EPB41L4A: variants seen among roughly 807,000 people sequenced by gnomAD.
EPB41L4A encodes the protein band 4.1-like protein 4A.
EPB41L4A carries 100 observed loss-of-function variants against 108.6 expected under a neutral mutation model. The ratio of observed to expected loss-of-function variants is 0.92; its 90% CI spans 0.78 to 1.09. The LOEUF (loss-of-function observed/expected upper bound fraction) is 1.09. EPB41L4A is among the 50% of genes least tolerant of loss of function. The pLI, the probability that EPB41L4A is intolerant of heterozygous loss-of-function variation, is 0.00. For missense variants in EPB41L4A, 1,030 were observed against 842.7 expected (o/e 1.22, Z -2.75); for synonymous variants, 319 against 289.0 (o/e 1.10, Z -1.05).
At chr5:112,173,983 C>A (rs1580366776) in intron 18 of EPB41L4A, among the ~76,000 whole-genome samples, 1 of 152,148 alleles carries the variant, frequency 6.6e-6, no homozygotes. Flanking sequence ...ATCAGACCTT[C>A]TAGCCATTAA....
intron 1 of EPB41L4A, among the ~76,000 whole-genome samples, chr5:112,357,518 G>A (rs1345469325): frequency 1.3e-5 from 2 of 152,196 alleles, no homozygotes; most frequent in Admixed American, 6.5e-5. Flanking sequence ...CCAGGTGCCT[G>A]GAAAGGAAAC....
intron 3 of EPB41L4A, 152 bp downstream of exon 3, chr5:112,280,120 G>A: frequency 1.5e-6 from 1 of 687,732 alleles, no homozygotes; most frequent in Non-Finnish European, 2.6e-6. Flanking sequence ...GCCTAGCAAT[G>A]CACACAATAC....
intron 1 of EPB41L4A, among the ~76,000 whole-genome samples, chr5:112,401,645 A>G (rs1761755955): frequency 6.6e-6 from 1 of 152,212 alleles, no homozygotes; most frequent in African/African-American, 2.4e-5. Flanking sequence ...AAGTAATTGT[A>G]TCTTTATTGA....
chr5:112,314,535 A>AAAAG (rs1755293102), intron 1 of EPB41L4A, among the ~76,000 whole-genome samples: 2 of 128,688 alleles, frequency 1.6e-5, no homozygotes, highest in South Asian at 2.3e-4. Context: ...AAAAAAAAAA[A>AAAAG]AAAGAAAAGA....
Position 112,169,032 on chromosome 5 carries a change from A to G in EPB41L4A, c.1813T>C (p.Cys605Arg). ...RSYRQYRRSQ[C>R]SDGERSVLSE... is the part of the protein sequence containing the mutation. Reference sequence around the variant, plus strand: ...AGAACTGATCGCTCCCCATCTGAACACTGGGACCTGCGATACTGGCGGTAA... The same window carrying G: ...AGAACTGATCGCTCCCCATCTGAACGCTGGGACCTGCGATACTGGCGGTAA... Residue 605 changes from cysteine to arginine, a missense_variant, in exon 21 of 23, where the codon TGT (cysteine) becomes CGT (arginine). Transcript: ENST00000261486. The G allele has an allele frequency of 6.2e-7, 1 of 1,614,076 alleles. No homozygotes were observed. Among genetic ancestry groups the G allele is most frequent in the Non-Finnish European group, 8.5e-7 (1 of 1,179,940 alleles).
At chr5:112,300,983 A>G (rs1369672981) in intron 2 of EPB41L4A, among the ~76,000 whole-genome samples, 1 of 151,746 alleles carries the variant, frequency 6.6e-6, no homozygotes, top group Non-Finnish European at 1.5e-5. Context: ...TGTGTCCTTT[A>G]TTTTCTGAAG....
chr5:112,215,500 C>T (rs966028567), intron 12 of EPB41L4A, among the ~76,000 whole-genome samples: 6 of 152,118 alleles, frequency 3.9e-5, no homozygotes, highest in African/African-American at 7.2e-5. Flanking sequence ...CGGTGGCTCA[C>T]GCCTGTAATC....
chr5:112,366,837 T>C (rs1160051092), intron 1 of EPB41L4A, among the ~76,000 whole-genome samples: 4 of 152,206 alleles, frequency 2.6e-5, no homozygotes, highest in Admixed American at 2.6e-4. Context: ...TATATTTGTG[T>C]GTCTTATCCT....
chr5:112,242,724 T>C (rs1476182344), intron 9 of EPB41L4A, among the ~76,000 whole-genome samples: 2 of 152,228 alleles, frequency 1.3e-5, no homozygotes, highest in African/African-American at 2.4e-5. Context: ...TTCTTAATAC[T>C]TGAAAGTTGA....
At chr5:112,417,992 G>C (rs1288669641) in intron 1 of EPB41L4A, among the ~76,000 whole-genome samples, 1 of 152,178 alleles carries the variant, frequency 6.6e-6, no homozygotes, top group Non-Finnish European at 1.5e-5. Flanking sequence ...GACTAAGAGA[G>C]GATACTTGGC....
At chr5:112,304,432 G>A (rs1754562671) in intron 2 of EPB41L4A, among the ~76,000 whole-genome samples, 1 of 152,190 alleles carries the variant, frequency 6.6e-6, no homozygotes, top group Non-Finnish European at 1.5e-5. Flanking sequence ...TCTGGATCAA[G>A]AACGAACCTG....
Position 112,333,325 on chromosome 5 carries a change from C to T in EPB41L4A, c.100-25835G>A, listed in dbSNP as rs115352988. Among the ~76,000 whole-genome samples the T allele has an allele frequency of 4.8e-3, 727 of 152,086 alleles. 4 individuals carry two copies. Among genetic ancestry groups the T allele is most frequent in the Middle Eastern group, 0.014 (4 of 294 alleles). ...ATGTCAAAAAGGGGGGAAGGGAAAACGGCAGGAATGTGCATGTCAACTGCA... is the reference window on the plus strand; with the variant it reads ...ATGTCAAAAAGGGGGGAAGGGAAAATGGCAGGAATGTGCATGTCAACTGCA... On this transcript the variant is annotated intron_variant, in intron 1 of 22. Transcript: ENST00000261486.
intron 12 of EPB41L4A, among the ~76,000 whole-genome samples, chr5:112,213,939 A>T (rs550613317): frequency 2.0e-5 from 3 of 152,256 alleles, no homozygotes; most frequent in Non-Finnish European, 4.4e-5. Context: ...ACCACTGTCC[A>T]AATTAGTAAG....
intron 13 of EPB41L4A, chr5:112,145,747 A>C (rs887187449): frequency 6.6e-5 from 21 of 318,632 alleles, no homozygotes; most frequent in Non-Finnish European, 1.2e-4. Flanking sequence ...ACGTGCATAC[A>C]ACATCCTCAA....
intron 1 of EPB41L4A, among the ~76,000 whole-genome samples, chr5:112,381,936 T>C (rs1760201820): frequency 6.6e-6 from 1 of 152,218 alleles, no homozygotes; most frequent in Non-Finnish European, 1.5e-5. Context: ...GACAAATATC[T>C]ACTGCAGCCA....
intron 1 of EPB41L4A, among the ~76,000 whole-genome samples, chr5:112,324,462 G>C (rs13184663): frequency 0.53 from 80,606 of 151,828 alleles, 23,212 homozygotes; most frequent in Middle Eastern, 0.68. Flanking sequence ...AATACAAATG[G>C]TGCCTGTAAT....
At chr5:112,231,234 T>C (rs1748896247) in intron 12 of EPB41L4A, among the ~76,000 whole-genome samples, 1 of 152,214 alleles carries the variant, frequency 6.6e-6, no homozygotes, top group Non-Finnish European at 1.5e-5. Context: ...TGGCATTGTT[T>C]AGGAACATTT....
intron 9 of EPB41L4A, among the ~76,000 whole-genome samples, chr5:112,254,843 C>T (rs992926910): frequency 6.6e-6 from 1 of 152,050 alleles, no homozygotes; most frequent in African/African-American, 2.4e-5. Flanking sequence ...TTTGTGCCCT[C>T]CGGAATTCAT....
At chr5:112,338,447 T>G (rs1757060167) in intron 1 of EPB41L4A, among the ~76,000 whole-genome samples, 1 of 152,140 alleles carries the variant, frequency 6.6e-6, no homozygotes, top group South Asian at 2.1e-4. Flanking sequence ...GCTGTTAACC[T>G]GAACAAGCCC....
Sources: gnomAD v4.1 joint callset for allele counts (sites outside exome capture counted in the v4.1 genomes callset) on GRCh38, gnomAD v4.1.1 for gene constraint, MANE v1.5 for transcripts, NCBI Gene and HGNC (gene_info 2026-07-23, HGNC 2026-07-21) for gene names.